KIN: variants seen among roughly 807,000 people sequenced by gnomAD.
The protein encoded by KIN is DNA/RNA-binding protein KIN17.
In KIN, 47 loss-of-function variants were observed where a neutral mutation model predicts 63.0. The observed-to-expected ratio is 0.75, with a 90% CI of 0.59 to 0.95. The LOEUF is 0.95. Ranked by LOEUF, KIN falls within the 40% of genes least tolerant of loss-of-function variation. The probability of loss-of-function intolerance (pLI) is 0.00; values close to 1 mark genes in which losing one functional copy is unlikely to be tolerated. For synonymous variants in KIN, 160 were observed against 157.7 expected, an observed-to-expected ratio of 1.01 and a Z score of -0.11; for missense variants, 408 against 460.9, an observed-to-expected ratio of 0.89 and a Z score of 1.05.
In KIN at chr10:7,755,940, C is replaced by CT. The variant is rs2130979881; in HGVS notation, c.*139_*140insA. ...AAATTCTTCTCAAAGTTTAGCTGAA[C>CT]AACTATACAGTAATATTTTCAAAAA... is the stretch of plus-strand genomic sequence containing the variant. On this transcript the variant is annotated 3_prime_UTR_variant, in exon 13 of 13. Coordinates refer to ENST00000379562, the MANE Select transcript of KIN (RefSeq NM_012311.4). 4 of 501,040 alleles carry CT rather than the reference C, an allele frequency of 8.0e-6. No individual in the cohort carries two copies. Among genetic ancestry groups the CT allele is most frequent in the Non-Finnish European group, 1.4e-5 (4 of 279,022 alleles). 31.0% of individuals were successfully genotyped at this position (501,040 alleles called of 1,614,324 possible).
Position 7,769,200 on chromosome 10 carries a change from A to G in KIN, c.798+16T>C, listed in dbSNP as rs897234499. The G allele has an allele frequency of 1.9e-6, 3 of 1,596,836 alleles. No individual in the cohort carries two copies. Among genetic ancestry groups the G allele is most frequent in the Non-Finnish European group, 2.6e-6 (3 of 1,174,552 alleles). On this transcript the variant is annotated intron_variant, in intron 8 of 12. Transcript: ENST00000379562. ...CTTGGGTTCTAAGGTGTCCACACGC[A>G]ATCCATAAACTGTACCTCCATGATT...
chr10:7,785,208 C>T lies in KIN; in HGVS notation c.115-2033G>A, dbSNP rs558551276. Among the ~76,000 whole-genome samples the T allele has an allele frequency of 5.3e-5, 8 of 149,776 alleles. 1 individual carries two copies. The highest frequency in any genetic ancestry group is 1.5e-4 in the African/African-American group (6 of 40,518). ...TCAAGGTTGCAGTGAGCCATGATCG[C>T]GCCACTGTACACGAGCCTGGGCTAC... On this transcript the variant is annotated intron_variant, in intron 1 of 12. Coordinates refer to ENST00000379562, the MANE Select transcript of KIN (RefSeq NM_012311.4).
chr10:7,772,871 T>C (rs1835694631), intron 7 of KIN, among the ~76,000 whole-genome samples: 1 of 152,220 alleles, frequency 6.6e-6, no homozygotes, highest in Non-Finnish European at 1.5e-5. Context: ...TCCTTATCCC[T>C]GAAACCTATC....
At chr10:7,770,950 T>C (rs11255354) in intron 7 of KIN, among the ~76,000 whole-genome samples, 48,439 of 152,024 alleles carry the variant, frequency 0.32, 8,037 homozygotes, top group East Asian at 0.47. Context: ...GTCACTCTGT[T>C]TTTATGGGGG....
At chr10:7,783,674 C>G (rs1197827444) in intron 1 of KIN, among the ~76,000 whole-genome samples, 1 of 152,148 alleles carries the variant, frequency 6.6e-6, no homozygotes, top group Non-Finnish European at 1.5e-5. Context: ...TCTGTACCTT[C>G]TTAAAATGAC....
rs547001129 is a variant in KIN, at chr10:7,754,361, G to A, written c.*1719C>T. 46 of 265,812 alleles carry A rather than the reference G, an allele frequency of 1.7e-4. 1 individual carries two copies. The highest frequency in any genetic ancestry group is 1.4e-3 in the Middle Eastern group (1 of 694). 16.5% of individuals were successfully genotyped at this position (265,812 alleles called of 1,614,324 possible). On this transcript the variant is annotated 3_prime_UTR_variant, in exon 13 of 13. Coordinates refer to ENST00000379562, the MANE Select transcript of KIN (RefSeq NM_012311.4). The stretch of plus-strand genomic sequence containing the variant: ...AAAAACAGAACAAAAAAAAAGAGGC[G>A]TAGTGGCTCATGCCTGTAATCCCAG...
At position 7,755,863 on chromosome 10, in the gene KIN, C is replaced by A; in HGVS notation, c.*217G>T. On this transcript the variant is annotated 3_prime_UTR_variant, in exon 13 of 13. Transcript: ENST00000379562. ...CTCATCAAGTAAATTACAAAGGAAA[C>A]AAAAATAACAAGGACAAAATTACAT... is the stretch of plus-strand genomic sequence containing the variant. The A allele has an allele frequency of 2.8e-6, 1 of 352,656 alleles. No homozygotes were observed. Among genetic ancestry groups the A allele is most frequent in the Non-Finnish European group, 5.1e-6 (1 of 197,266 alleles). The allele number at this position is 352,656 out of a possible 1,614,324, so 21.8% of individuals were successfully genotyped here. A position where few individuals can be genotyped will look rare whatever the true frequency, so the allele number is the denominator to read the frequency against.
intron 9 of KIN, 152 bp downstream of exon 9, chr10:7,765,901 C>T (rs3736969): frequency 0.14 from 71,092 of 502,478 alleles, 5,962 homozygotes; most frequent in East Asian, 0.3. Context: ...AATTAATGAT[C>T]TAATAGGAAG....
intron 7 of KIN, among the ~76,000 whole-genome samples, chr10:7,770,772 T>C (rs929064137): frequency 6.6e-6 from 1 of 152,084 alleles, no homozygotes; most frequent in African/African-American, 2.4e-5. Flanking sequence ...AAGAAAAAAA[T>C]ATATGATTAG....
intron 2 of KIN, among the ~76,000 whole-genome samples, chr10:7,781,587 T>TCTACACACACACACACACACACACAC (rs71515486): frequency 8.5e-4 from 119 of 140,714 alleles, no homozygotes; most frequent in African/African-American, 3.1e-3. Context: ...ACCCTGTCTC[T>TCTACACACACACACACACACACACAC]ACACACACAC....
In KIN at chr10:7,780,281, AG is replaced by A; in HGVS notation, c.235del (p.Leu79PhefsTer29). On this transcript the variant is annotated frameshift_variant, in exon 3 of 13. Transcript: ENST00000379562. LOFTEE classifies it high-confidence loss of function. Reference protein sequence around the residue: ...SEEFRNDFLELLRRRFGTKRV... With the variant: ...SEEFRNDFLEXLRRRFGTKRV... Reference sequence around the variant, plus strand: ...ATGTTTACCAAAGCGTCTCCTGAGAAGTTCTAGAAAGTCATTTCGGAATTCC... The same window carrying A: ...ATGTTTACCAAAGCGTCTCCTGAGAATTCTAGAAAGTCATTTCGGAATTCC... The A allele has an allele frequency of 6.2e-7, 1 of 1,607,258 alleles. No homozygotes were observed. The highest frequency in any genetic ancestry group is 2.2e-5 in the East Asian group (1 of 44,848).
intron 4 of KIN, 44 bp downstream of exon 4, chr10:7,780,012 T>C (rs1466564304): frequency 1.9e-6 from 3 of 1,592,330 alleles, no homozygotes; most frequent in Non-Finnish European, 1.7e-6. Context: ...CCTATGAAGA[T>C]TAGAAGTGGG....
intron 5 of KIN, among the ~76,000 whole-genome samples, chr10:7,776,895 TAAAAAAA>T (rs79346729): frequency 7.1e-6 from 1 of 140,158 alleles, no homozygotes; most frequent in Non-Finnish European, 1.6e-5. Flanking sequence ...CCATCTCTAT[TAAAAAAA>T]AAAAAAATTA....
intron 2 of KIN, among the ~76,000 whole-genome samples, chr10:7,780,552 G>A (rs1049184783): frequency 2.0e-5 from 3 of 151,842 alleles, no homozygotes; most frequent in African/African-American, 7.3e-5. Context: ...CCACCACCAC[G>A]CCTGGCTAAT....
rs1183514751 is a variant in KIN, at chr10:7,774,908, T to C, written c.608-17A>G. ...TAAACGTGACTAGAAGAAAAAAATG[T>C]TATTCCATACATACATTTCAAGAAA... On this transcript the variant is annotated splice_polypyrimidine_tract_variant and intron_variant, in intron 6 of 12. Coordinates refer to ENST00000379562, the MANE Select transcript of KIN (RefSeq NM_012311.4). The C allele has an allele frequency of 6.3e-7, 1 of 1,580,684 alleles. No individual in the cohort carries two copies. The highest frequency in any genetic ancestry group is 1.1e-5 in the South Asian group (1 of 90,342).
chr10:7,775,871 T>C, intron 5 of KIN, 72 bp from the exon 6 acceptor site: 1 of 830,924 alleles, frequency 1.2e-6, no homozygotes, highest in Non-Finnish European at 1.9e-6. Context: ...GCCTAAATTA[T>C]GACTTGCTAC....
At position 7,778,886 on chromosome 10, in the gene KIN, G is replaced by A. The variant is rs137894166; in HGVS notation, c.510C>T (p.Ala170=). The part of the protein sequence containing the change: ...KQDLDDEEKT[A]KFIEEQVRRG... ...TTCTCACTTGCTCTTCAATAAATTT[G>A]GCAGTTTTTTCTTCATCATCAAGGT... Residue 170 remains alanine (A), a synonymous_variant, in exon 5 of 13, where the codon GCC becomes GCT. Coordinates refer to ENST00000379562, the MANE Select transcript of KIN (RefSeq NM_012311.4). The A allele has an allele frequency of 1.2e-6, 2 of 1,613,876 alleles. No homozygotes were observed. The highest frequency in any genetic ancestry group is 1.3e-5 in the African/African-American group (1 of 74,844).
rs199671918 is a variant in KIN at position 7,760,028 on chromosome 10, A to G, written c.1019-38T>C. Reference sequence around the variant, plus strand: ...AGAATATAAAAATTAATGTGAAGAAATATCTCCACTTTTCTTCTAACTTGT... The same window carrying G: ...AGAATATAAAAATTAATGTGAAGAAGTATCTCCACTTTTCTTCTAACTTGT... On this transcript the variant is annotated intron_variant, in intron 11 of 12. Coordinates refer to ENST00000379562, the MANE Select transcript of KIN (RefSeq NM_012311.4). 56 of 979,058 alleles carry G rather than the reference A, an allele frequency of 5.7e-5. No homozygotes were observed. The Admixed American group carries it at 1.1e-3, about 20-fold the overall frequency. The allele number at this position is 979,058 out of a possible 1,614,324, so 60.6% of individuals were successfully genotyped here.
intron 6 of KIN, 58 bp from the exon 7 acceptor site, chr10:7,774,949 CTCAGA>C (rs1337022244): frequency 4.8e-6 from 6 of 1,261,086 alleles, no homozygotes; most frequent in Non-Finnish European, 6.9e-6. Flanking sequence ...AATAAAACTT[CTCAGA>C]TAAGATACTA....
Sources: allele counts gnomAD v4.1 joint callset (sites outside exome capture counted in the v4.1 genomes callset), GRCh38; gene constraint gnomAD v4.1.1; transcripts MANE v1.5; gene names NCBI Gene and HGNC (gene_info 2026-07-23, HGNC 2026-07-21).